The following BLM variants were observed in gnomAD, a reference collection of about 807,000 sequenced individuals.
BLM encodes the protein recQ-like DNA helicase BLM.
Under a neutral mutation model 135.3 loss-of-function variants are expected in BLM, and 95 were observed. That is an observed-to-expected ratio of 0.70 (90% CI 0.59 to 0.83). The LOEUF (loss-of-function observed/expected upper bound fraction) is 0.83, where lower values mean the gene tolerates loss of function less well. Among genes scored for constraint, BLM ranks in the 40% least tolerant of loss-of-function variants. The probability of loss-of-function intolerance (pLI) is 0.00; values close to 1 mark genes in which losing one functional copy is unlikely to be tolerated. For missense variants in BLM, 1,518 were observed against 1,663.9 expected (o/e 0.91, Z 1.53); for synonymous variants, 520 against 589.2 (o/e 0.88, Z 1.70).
At chr15:90,797,736 G>T (rs1291007100) in intron 16 of BLM, among the ~76,000 whole-genome samples, 3 of 152,172 alleles carry the variant, frequency 2.0e-5, no homozygotes, top group Admixed American at 6.5e-5. Flanking sequence ...AAAGTTTGGG[G>T]ATAGCTGAAG....
intron 2 of BLM, 25 bp from the exon 3 acceptor site, chr15:90,749,342 A>G: frequency 6.5e-7 from 1 of 1,545,216 alleles, no homozygotes; most frequent in Non-Finnish European, 8.9e-7. Context: ...GATCCATCTA[A>G]TCTAGTTTTT....
At chr15:90,769,279 C>T (rs1217865513) in intron 11 of BLM, 48 bp downstream of exon 11, 2 of 1,534,382 alleles carry the variant, frequency 1.3e-6, no homozygotes, top group South Asian at 1.1e-5. Flanking sequence ...TACATACTAC[C>T]AACAATATAT....
intron 14 of BLM, among the ~76,000 whole-genome samples, chr15:90,788,284 TGGAAGAA>T (rs1437229655): frequency 6.6e-6 from 1 of 152,126 alleles, no homozygotes; most frequent in Non-Finnish European, 1.5e-5. Context: ...TCTTCAGAAT[TGGAAGAA>T]GGAAGACTGG....
chr15:90,742,939 T>C (rs1420742264), intron 1 of BLM, among the ~76,000 whole-genome samples: 1 of 151,898 alleles, frequency 6.6e-6, no homozygotes, highest in African/African-American at 2.4e-5. Flanking sequence ...CCCAGCCTAT[T>C]TGAAAAATTC....
intron 1 of BLM, among the ~76,000 whole-genome samples, chr15:90,742,770 G>C (rs925577826): frequency 1.3e-5 from 2 of 151,662 alleles, no homozygotes; most frequent in Non-Finnish European, 2.9e-5. Flanking sequence ...TGAGTAACTG[G>C]GACTACAGGC....
chr15:90,745,089 C>T (rs117463790), intron 1 of BLM, among the ~76,000 whole-genome samples: 24 of 151,986 alleles, frequency 1.6e-4, no homozygotes, highest in Non-Finnish European at 2.8e-4. Context: ...ACGAAATGGC[C>T]GATTCCAAAT....
chr15:90,791,939 C>T (rs1197526829), intron 15 of BLM, among the ~76,000 whole-genome samples: 1 of 151,984 alleles, frequency 6.6e-6, no homozygotes, highest in East Asian at 1.9e-4. Context: ...CACGCCCGGC[C>T]TTATAGGATA....
chr15:90,776,963 T>C (rs1349750157), intron 12 of BLM, among the ~76,000 whole-genome samples: 1 of 152,040 alleles, frequency 6.6e-6, no homozygotes, highest in African/African-American at 2.4e-5. Flanking sequence ...ATTGCTAAAT[T>C]AGACTTCTTT....
At chr15:90,718,098 G>T (rs1316035580) in intron 1 of BLM, among the ~76,000 whole-genome samples, 2 of 152,084 alleles carry the variant, frequency 1.3e-5, no homozygotes, top group Admixed American at 6.6e-5. Flanking sequence ...ACTTCCTGGC[G>T]TTTTTGTTAG....
intron 12 of BLM, among the ~76,000 whole-genome samples, chr15:90,771,584 A>G (rs1363726509): frequency 1.3e-5 from 2 of 150,226 alleles, no homozygotes; most frequent in East Asian, 3.9e-4. Context: ...TAAGTACTAC[A>G]TTGATCTATA....
At chr15:90,769,041 T>A in intron 10 of BLM, 92 bp from the exon 11 acceptor site, 1 of 1,155,678 alleles carries the variant, frequency 8.7e-7, no homozygotes, top group Non-Finnish European at 1.3e-6. Flanking sequence ...GAGGTTTTAA[T>A]ACAGCTTAAG....
At position 90,766,956 on chromosome 15, in the gene BLM, C is replaced by A. The variant is rs775004288; in HGVS notation, c.2240C>A (p.Thr747Lys). The A allele has an allele frequency of 6.2e-7, 1 of 1,606,044 alleles. No homozygotes were observed. ...LTGDKTDSEA[T>K]NIYLQLSKKD... ...GGTGATAAGACTGACTCAGAAGCTA[C>A]AAATATTTACCTCCAGTTATCAAAA... Residue 747 changes from threonine (T) to lysine (K), a missense_variant, in exon 10 of 22, where the codon ACA becomes AAA. Physicochemically the swap from Thr to Lys is moderately conservative, Grantham distance 78 (BLOSUM62 -1). This residue lies in a region of BLM where 626 missense variants were observed against 681.1 expected (regional missense o/e 0.92). Transcript: ENST00000355112.
chr15:90,796,941 A>T (rs1897041299), intron 16 of BLM, among the ~76,000 whole-genome samples: 1 of 152,190 alleles, frequency 6.6e-6, no homozygotes, highest in South Asian at 2.1e-4. Flanking sequence ...ACCACATGGT[A>T]TGAGTTGGAA....
rs79195541 is a variant in BLM, at chr15:90,719,461, C to T, written c.-5+2021C>T. Reference sequence around the variant, plus strand: ...TATAGTAAATACAAAATTATCTGGGCGTGGTGGTGTGCGCCTGTGGTTCTA... The same window carrying T: ...TATAGTAAATACAAAATTATCTGGGTGTGGTGGTGTGCGCCTGTGGTTCTA... On this transcript the variant is annotated intron_variant, in intron 1 of 21. Transcript: ENST00000355112. 9.2e-3 allele frequency among the ~76,000 whole-genome samples: 1,401 copies of T among 152,126 alleles called. 19 individuals carry two copies. Among genetic ancestry groups the T allele is most frequent in the African/African-American group, 0.031 (1,285 of 41,494 alleles).
At chr15:90,728,889 CA>C (rs981981798) in intron 1 of BLM, among the ~76,000 whole-genome samples, 4 of 152,058 alleles carry the variant, frequency 2.6e-5, no homozygotes, top group African/African-American at 9.6e-5. Flanking sequence ...TGGCTTAAAA[CA>C]ACATAGAGGC....
At chr15:90,813,229 C>T (rs1049112646) in intron 21 of BLM, among the ~76,000 whole-genome samples, 1 of 152,196 alleles carries the variant, frequency 6.6e-6, no homozygotes, top group African/African-American at 2.4e-5. Flanking sequence ...ACAAAGCAAA[C>T]CATATTGCTA....
chr15:90,803,099 G>T (rs183239368), intron 17 of BLM, among the ~76,000 whole-genome samples: 2 of 151,338 alleles, frequency 1.3e-5, no homozygotes, highest in East Asian at 3.9e-4. Context: ...GGAGTTTGAG[G>T]CTGCAGTGAA....
chr15:90,720,033 A>C (rs1163435201), intron 1 of BLM, among the ~76,000 whole-genome samples: 1 of 152,100 alleles, frequency 6.6e-6, no homozygotes, highest in Non-Finnish European at 1.5e-5. Flanking sequence ...TTCAATATCC[A>C]ATTCAGTGTT....
chr15:90,728,363 T>G (rs1596199146), intron 1 of BLM, among the ~76,000 whole-genome samples: 1 of 151,224 alleles, frequency 6.6e-6, no homozygotes, highest in East Asian at 2.0e-4. Context: ...ATCAAGGACA[T>G]AATTTGTTAG....
Sources: allele counts gnomAD v4.1 joint callset (sites outside exome capture counted in the v4.1 genomes callset), GRCh38; gene constraint gnomAD v4.1.1; regional missense constraint gnomAD v4.1.1; transcripts MANE v1.5; gene names NCBI Gene and HGNC (gene_info 2026-07-23, HGNC 2026-07-21).